COL4A3: variants seen among roughly 807,000 people sequenced by gnomAD.
COL4A3 encodes collagen type IV alpha 3 chain.
In COL4A3, 135 loss-of-function variants were observed where a neutral mutation model predicts 217.4. The observed-to-expected ratio is 0.62, with a 90% confidence interval of 0.54 to 0.72. The LOEUF (loss-of-function observed/expected upper bound fraction) is 0.72. COL4A3 is among the 30% of genes least tolerant of loss of function. The pLI is 0.00. For synonymous variants in COL4A3, 690 were observed against 736.3 expected (o/e 0.94, Z 1.02); for missense variants, 1,868 against 2,119.9 (o/e 0.88, Z 2.33).
intron 31 of COL4A3, chr2:227,281,721 T>C (rs567982721): frequency 1.3e-5 from 2 of 152,702 alleles, no homozygotes; most frequent in East Asian, 1.9e-4. Flanking sequence ...CGAACGGCTC[T>C]GTATGTCTTC....
chr2:227,243,840 G>A (rs576223463), intron 3 of COL4A3, among the ~76,000 whole-genome samples: 1 of 152,294 alleles, frequency 6.6e-6, no homozygotes, highest in African/African-American at 2.4e-5. Flanking sequence ...GGCACATTTT[G>A]TTAATAGAGT....
chr2:227,237,379 G>A (rs1189275097), intron 1 of COL4A3, among the ~76,000 whole-genome samples: 1 of 152,146 alleles, frequency 6.6e-6, no homozygotes, highest in Non-Finnish European at 1.5e-5. Context: ...TATAAGGTTG[G>A]TGCAAAAGTT....
intron 2 of COL4A3, among the ~76,000 whole-genome samples, chr2:227,239,747 C>A (rs532955796): frequency 1.5e-3 from 232 of 152,310 alleles, no homozygotes; most frequent in African/African-American, 5.4e-3. Flanking sequence ...ATGCACACTC[C>A]CCAGGCACCT....
At chr2:227,202,525 A>C (rs891194455) in intron 1 of COL4A3, among the ~76,000 whole-genome samples, 3 of 151,024 alleles carry the variant, frequency 2.0e-5, no homozygotes, top group Non-Finnish European at 3.0e-5. Context: ...CGGGCGGATC[A>C]CTAGGTCAGG....
intron 34 of COL4A3, among the ~76,000 whole-genome samples, chr2:227,284,816 T>C (rs891286177): frequency 2.0e-5 from 3 of 152,180 alleles, no homozygotes; most frequent in Non-Finnish European, 4.4e-5. Flanking sequence ...GAATAATTAC[T>C]AAAAAGAAAT....
At chr2:227,243,299 AAAGAT>A (rs566166164) in intron 3 of COL4A3, among the ~76,000 whole-genome samples, 114 of 152,378 alleles carry the variant, frequency 7.5e-4, no homozygotes, top group African/African-American at 2.5e-3. Flanking sequence ...AATAGCTACA[AAAGAT>A]AATACAATCA....
chr2:227,247,820 G>T (rs1364122237), intron 8 of COL4A3, among the ~76,000 whole-genome samples: 2 of 152,080 alleles, frequency 1.3e-5, no homozygotes, highest in East Asian at 3.9e-4. Context: ...AAAGAAATAG[G>T]GTCTTGGAGA....
chr2:227,208,839 G>A (rs1227999552), intron 1 of COL4A3, among the ~76,000 whole-genome samples: 2 of 150,040 alleles, frequency 1.3e-5, no homozygotes, highest in African/African-American at 2.5e-5. Flanking sequence ...CAAAGTTCTA[G>A]AAAGAGGAGC....
At chr2:227,207,752 C>T (rs1055357297) in intron 1 of COL4A3, among the ~76,000 whole-genome samples, 8 of 152,190 alleles carry the variant, frequency 5.3e-5, no homozygotes, top group African/African-American at 1.9e-4. Context: ...TCACAGCAGG[C>T]ATACTTTGGA....
chr2:227,177,898 G>T (rs993869705), intron 1 of COL4A3, among the ~76,000 whole-genome samples: 2 of 152,148 alleles, frequency 1.3e-5, no homozygotes, highest in Non-Finnish European at 2.9e-5. Flanking sequence ...CTTAGCAATG[G>T]TTCCAAACAC....
Position 227,248,495 on chromosome 2 carries a change from G to A in COL4A3, c.521G>A (p.Gly174Glu), listed in dbSNP as rs1469388795. 1.2e-6 allele frequency: 2 copies of A among 1,613,316 alleles called. No homozygotes were observed. The highest frequency in any genetic ancestry group is 3.3e-5 in the Admixed American group (2 of 59,994). Residue 174 changes from glycine (G) to glutamate (E), a missense_variant, in exon 9 of 52, where the codon GGG becomes GAG. This residue lies in a region of COL4A3 where 365 missense variants were observed against 333.8 expected (regional missense o/e 1.09). Coordinates refer to ENST00000396578, the MANE Select transcript of COL4A3 (RefSeq NM_000091.5). Reference sequence around the variant, plus strand: ...GAACTTGATGCAAAAGGCGACCCCGGGTTGCCAGGGGCTCCAGGACCCCAG... The same window carrying A: ...GAACTTGATGCAAAAGGCGACCCCGAGTTGCCAGGGGCTCCAGGACCCCAG... ...DIELDAKGDP[G>E]LPGAPGPQGL...
Position 227,249,230 on chromosome 2 carries a change from A to ATATATAT in COL4A3, c.546+711_546+712insATATATT. ...TTAGCTAGTATATATATATATATAT[A>ATATATAT]TTTTTTTTTTTTTTTTTTTTTTTGA... On this transcript the variant is annotated intron_variant, in intron 9 of 51. Coordinates refer to ENST00000396578, the MANE Select transcript of COL4A3 (RefSeq NM_000091.5). 1.0e-3 allele frequency among the ~76,000 whole-genome samples: 15 copies of ATATATAT among 14,692 alleles called. 1 individual carries two copies. The highest frequency in any genetic ancestry group is 5.3e-3 in the East Asian group (2 of 378). 9.6% of individuals were successfully genotyped at this position (14,692 alleles called of 152,430 possible).
At chr2:227,174,518 T>C (rs1443183816) in intron 1 of COL4A3, among the ~76,000 whole-genome samples, 2 of 152,002 alleles carry the variant, frequency 1.3e-5, no homozygotes, top group Non-Finnish European at 2.9e-5. Flanking sequence ...ATTATTATTA[T>C]TATTTTGAGA....
chr2:227,208,516 G>C (rs13391788), intron 1 of COL4A3, among the ~76,000 whole-genome samples: 3,099 of 151,782 alleles, frequency 0.02, 118 homozygotes, highest in African/African-American at 0.07. Flanking sequence ...ACCTAACTCC[G>C]ACCCATGAAG....
chr2:227,267,043 G>C lies in COL4A3; in HGVS notation c.1459G>C (p.Gly487Arg), dbSNP rs745472969. The C allele has an allele frequency of 6.2e-7, 1 of 1,613,926 alleles. No homozygotes were observed. Among genetic ancestry groups the C allele is most frequent in the Non-Finnish European group, 8.5e-7 (1 of 1,179,922 alleles). The change falls in exon 23 of 52, where the codon GGT becomes CGT. Residue 487 changes from glycine (G) to arginine (R), a missense_variant. This residue lies in a region of COL4A3 where 1,503 missense variants were observed against 1,786.1 expected (regional missense o/e 0.84). Coordinates refer to ENST00000396578, the MANE Select transcript of COL4A3 (RefSeq NM_000091.5). ...TQCPYIPGPP[G>R]LPGLPGLHGV... ...GTGCCCTTATATCCCAGGGCCTCCC[G>C]GTCTCCCAGGATTGCCAGGGTTACA...
In COL4A3 at chr2:227,282,311, T is replaced by G; in HGVS notation, c.2489-54T>G. ...ATATATATATATATATTTCTGAAGT[T>G]AGTAGGGGAAAGCATTTGTGGGTTA... On this transcript the variant is annotated intron_variant, in intron 31 of 51. Coordinates refer to ENST00000396578, the MANE Select transcript of COL4A3 (RefSeq NM_000091.5). The surrounding 1 kb of genome is among the most constrained non-coding windows in gnomAD (Gnocchi z 4.4). 7.2e-6 allele frequency: 8 copies of G among 1,107,084 alleles called. No individual in the cohort carries two copies. Among genetic ancestry groups the G allele is most frequent in the South Asian group, 1.2e-5 (1 of 80,200 alleles). The allele number at this position is 1,107,084 out of a possible 1,614,324, so 68.6% of individuals were successfully genotyped here.
At chr2:227,195,566 G>A (rs530341409) in intron 1 of COL4A3, among the ~76,000 whole-genome samples, 14 of 151,856 alleles carry the variant, frequency 9.2e-5, no homozygotes, top group South Asian at 4.2e-4. Flanking sequence ...AGTTATGTAC[G>A]ATACATAATA....
intron 1 of COL4A3, among the ~76,000 whole-genome samples, chr2:227,174,665 C>T (rs113655785): frequency 1.3e-5 from 2 of 152,238 alleles, no homozygotes; most frequent in African/African-American, 2.4e-5. Context: ...TGCCACTATG[C>T]CCGCCTAATT....
At chr2:227,176,596 T>C (rs1041170933) in intron 1 of COL4A3, among the ~76,000 whole-genome samples, 1 of 152,250 alleles carries the variant, frequency 6.6e-6, no homozygotes, top group Non-Finnish European at 1.5e-5. Context: ...AACTGGTTTC[T>C]TAGAGAAGTG....
Sources: allele counts gnomAD v4.1 joint callset (sites outside exome capture counted in the v4.1 genomes callset), GRCh38; gene constraint gnomAD v4.1.1; regional missense constraint gnomAD v4.1.1; non-coding constraint Gnocchi (gnomAD v3.1); transcripts MANE v1.5; gene names NCBI Gene and HGNC (gene_info 2026-07-23, HGNC 2026-07-21).